ROR2: variants seen among roughly 807,000 people sequenced by gnomAD.
ROR2 encodes ROR family WNT receptor 2.
Under a neutral mutation model 74.9 loss-of-function variants are expected in ROR2, and 33 were observed. That is an observed-to-expected ratio of 0.44 (90% CI 0.33 to 0.59). The LOEUF (loss-of-function observed/expected upper bound fraction) is 0.59, where lower values mean the gene tolerates loss of function less well. ROR2 is among the 20% of genes least tolerant of loss of function. ROR2 has a pLI of 0.02. For missense variants in ROR2, 1,216 were observed against 1,313.8 expected (o/e 0.93, Z 1.15); for synonymous variants, 586 against 558.7 (o/e 1.05, Z -0.69).
intron 1 of ROR2, among the ~76,000 whole-genome samples, chr9:91,911,953 A>C (rs1398763137): frequency 6.6e-6 from 1 of 151,650 alleles, no homozygotes; most frequent in Non-Finnish European, 1.5e-5. Flanking sequence ...AAAAAAAAAA[A>C]ACCACAAACC....
chr9:91,838,958 AT>A (rs1196420355), intron 1 of ROR2, among the ~76,000 whole-genome samples: 1 of 152,202 alleles, frequency 6.6e-6, no homozygotes, highest in African/African-American at 2.4e-5. Context: ...AATTAGATAA[AT>A]TTCAGTTTGG....
chr9:91,819,872 T>TTG (rs372431299), intron 1 of ROR2, among the ~76,000 whole-genome samples: 41 of 152,088 alleles, frequency 2.7e-4, no homozygotes, highest in South Asian at 8.3e-4. Flanking sequence ...ATGTCTGTAT[T>TTG]TGTGTGTGTG....
rs1554681727 is a variant in ROR2 at position 91,839,279 on chromosome 9, T to TGTGTGTGTGTAAGTACAGGC, written c.98-63462_98-63461insGCCTGTACTTACACACACAC. On this transcript the variant is annotated intron_variant, in intron 1 of 8. Transcript: ENST00000375708. ...GTGTGTGTGTGTGTGTGTGTGTGTG[T>TGTGTGTGTGTAAGTACAGGC]GTGTGTGTGTGTGTGTAAGTACAGG... Among the ~76,000 whole-genome samples, 255 of 136,534 alleles carry TGTGTGTGTGTAAGTACAGGC rather than the reference T, an allele frequency of 1.9e-3. 2 individuals carry two copies. The highest frequency in any genetic ancestry group is 7.8e-3 in the African/African-American group (235 of 30,278). 89.6% of individuals were successfully genotyped at this position (136,534 alleles called of 152,430 possible).
At chr9:91,924,049 C>A (rs1028111032) in intron 1 of ROR2, 1 of 152,442 alleles carries the variant, frequency 6.6e-6, no homozygotes, top group Non-Finnish European at 1.5e-5. Context: ...CCCTGAAATC[C>A]GTCTCCACTA....
chr9:91,817,384 A>T (rs1827977406), intron 1 of ROR2, among the ~76,000 whole-genome samples: 1 of 152,192 alleles, frequency 6.6e-6, no homozygotes, highest in Non-Finnish European at 1.5e-5. Flanking sequence ...GGACCACTGC[A>T]GGTGGCCGTG....
rs372085844 is a variant in ROR2, at chr9:91,905,133, C to A, written c.97+44734G>T. Among the ~76,000 whole-genome samples the A allele has an allele frequency of 1.2e-4, 18 of 150,942 alleles. No individual in the cohort carries two copies. The East Asian group carries it at 1.4e-3, about 11-fold the overall frequency. ...CACAAACCACATATCACACACACAC[C>A]CCCCACACAAATATCACACATGCAA... On this transcript the variant is annotated intron_variant, in intron 1 of 8. Transcript: ENST00000375708. This position sits in a 1 kb window ranked among gnomAD's most constrained non-coding sequence, Gnocchi z 5.3.
At chr9:91,801,067 C>T (rs1827360482) in intron 1 of ROR2, among the ~76,000 whole-genome samples, 1 of 152,130 alleles carries the variant, frequency 6.6e-6, no homozygotes, top group Admixed American at 6.6e-5. Context: ...AGAATCTCAC[C>T]CCCTCCCACC....
At chr9:91,910,792 T>C (rs1172444636) in intron 1 of ROR2, among the ~76,000 whole-genome samples, 1 of 152,106 alleles carries the variant, frequency 6.6e-6, no homozygotes, top group African/African-American at 2.4e-5. Context: ...GCCTCCTAAG[T>C]AGCTGAGATT....
At chr9:91,880,414 G>A (rs1830076734) in intron 1 of ROR2, among the ~76,000 whole-genome samples, 1 of 152,210 alleles carries the variant, frequency 6.6e-6, no homozygotes, top group African/African-American at 2.4e-5. Context: ...ATTTGTAGGT[G>A]CATCAGCTAT....
chr9:91,875,788 C>T (rs1480174050), intron 1 of ROR2, among the ~76,000 whole-genome samples: 3 of 152,050 alleles, frequency 2.0e-5, no homozygotes, highest in Admixed American at 6.6e-5. Flanking sequence ...AGCACACGGA[C>T]GATCTTTGCA....
At chr9:91,896,733 T>C (rs897807921) in intron 1 of ROR2, among the ~76,000 whole-genome samples, 1 of 152,214 alleles carries the variant, frequency 6.6e-6, no homozygotes, top group Non-Finnish European at 1.5e-5. Context: ...AAGGGCACTT[T>C]TTTTTTCATT....
chr9:91,849,943 CATATTT>C (rs1829041875), intron 1 of ROR2, among the ~76,000 whole-genome samples: 1 of 152,188 alleles, frequency 6.6e-6, no homozygotes, highest in Admixed American at 6.5e-5. Context: ...ACTAATATTC[CATATTT>C]ATGAGTTGGT....
intron 1 of ROR2, among the ~76,000 whole-genome samples, chr9:91,861,437 G>C (rs931643837): frequency 6.6e-6 from 1 of 152,182 alleles, no homozygotes; most frequent in Non-Finnish European, 1.5e-5. Context: ...GTGGAATGGA[G>C]GTCCAGAAAT....
intron 1 of ROR2, among the ~76,000 whole-genome samples, chr9:91,870,366 G>A (rs1213993558): frequency 2.0e-5 from 3 of 152,248 alleles, no homozygotes; most frequent in African/African-American, 7.2e-5. Flanking sequence ...GCAACAGCAG[G>A]GTACACACCG....
chr9:91,775,953 T>C (rs1338248025), intron 1 of ROR2, 135 bp from the exon 2 acceptor site: 1 of 742,154 alleles, frequency 1.3e-6, no homozygotes, highest in Non-Finnish European at 2.4e-6. Flanking sequence ...GATAAGACAT[T>C]ATGGTAACCT....
At chr9:91,760,838 G>C (rs981765961) in intron 2 of ROR2, among the ~76,000 whole-genome samples, 1 of 152,106 alleles carries the variant, frequency 6.6e-6, no homozygotes, top group South Asian at 2.1e-4. Context: ...CAGACCTTCT[G>C]AAGTATTCAG....
chr9:91,870,688 G>A (rs1829771181), intron 1 of ROR2, among the ~76,000 whole-genome samples: 1 of 152,210 alleles, frequency 6.6e-6, no homozygotes, highest in African/African-American at 2.4e-5. Context: ...AAGTGCAGGT[G>A]TCAAAAAGAA....
intron 1 of ROR2, among the ~76,000 whole-genome samples, chr9:91,792,009 G>A (rs1052238556): frequency 6.6e-6 from 1 of 152,142 alleles, no homozygotes; most frequent in Non-Finnish European, 1.5e-5. Context: ...ACAAGGCACA[G>A]AAGAAATCAC....
At chr9:91,832,013 C>T (rs1485459511) in intron 1 of ROR2, among the ~76,000 whole-genome samples, 1 of 152,142 alleles carries the variant, frequency 6.6e-6, no homozygotes, top group Non-Finnish European at 1.5e-5. Context: ...CACACATGTT[C>T]TGTCCTGTTT....
Sources: gnomAD v4.1 joint callset for allele counts (sites outside exome capture counted in the v4.1 genomes callset) on GRCh38, gnomAD v4.1.1 for gene constraint, Gnocchi (gnomAD v3.1) non-coding constraint, MANE v1.5 for transcripts, NCBI Gene and HGNC (gene_info 2026-07-23, HGNC 2026-07-21) for gene names.